Variants in HMGB1 observed in about 807,000 individuals in gnomAD.
HMGB1 encodes high mobility group box 1, also known as high mobility group protein B1.
For missense variants in HMGB1, 79 were observed against 253.5 expected (o/e 0.31, Z 4.67); for synonymous variants, 81 against 84.0 (o/e 0.96, Z 0.19).
rs147712142 is a variant in HMGB1 at position 30,605,221 on chromosome 13, A to G, written c.-15+11450T>C. Reference sequence around the variant, plus strand: ...GGAATGCCTATTTGGCACCAAGTGAATGTATCAGGTAGGCAGATGGATAAA... The same window carrying G: ...GGAATGCCTATTTGGCACCAAGTGAGTGTATCAGGTAGGCAGATGGATAAA... On this transcript the variant is annotated intron_variant, in intron 1 of 4. Coordinates refer to the HMGB1 transcript ENST00000405805. Among the ~76,000 whole-genome samples the G allele has an allele frequency of 1.1e-4, 16 of 152,316 alleles. No individual in the cohort carries two copies. In the East Asian group the frequency reaches 3.1e-3, roughly 29 times the overall value.
intron 1 of HMGB1, among the ~76,000 whole-genome samples, chr13:30,546,751 C>T (rs1261171810): frequency 1.3e-5 from 2 of 152,196 alleles, no homozygotes; most frequent in African/African-American, 4.8e-5. Flanking sequence ...TTTCAAAGTG[C>T]TGGGATTACA....
At chr13:30,477,693 C>T (rs1180559189) in intron 1 of HMGB1, among the ~76,000 whole-genome samples, 1 of 152,216 alleles carries the variant, frequency 6.6e-6, no homozygotes, top group East Asian at 1.9e-4. Flanking sequence ...GAAATCCTAG[C>T]AGACCTGACA....
At chr13:30,489,299 C>T (rs1887432043) in intron 1 of HMGB1, among the ~76,000 whole-genome samples, 1 of 152,150 alleles carries the variant, frequency 6.6e-6, no homozygotes, top group Non-Finnish European at 1.5e-5. Flanking sequence ...AATTTGAGAC[C>T]AGCCTGGGCA....
chr13:30,611,501 T>TA (rs1272518778), intron 1 of HMGB1, among the ~76,000 whole-genome samples: 1 of 152,206 alleles, frequency 6.6e-6, no homozygotes, highest in East Asian at 1.9e-4. Flanking sequence ...TCCTCATCTA[T>TA]AGGGACTTGT....
chr13:30,589,769 C>G (rs1264691902), intron 1 of HMGB1, among the ~76,000 whole-genome samples: 6 of 151,960 alleles, frequency 3.9e-5, no homozygotes, highest in Admixed American at 1.3e-4. Flanking sequence ...ACTCAGGAGG[C>G]TGAGGCATTA....
At chr13:30,578,282 T>A (rs1870745125) in intron 1 of HMGB1, among the ~76,000 whole-genome samples, 2 of 151,380 alleles carry the variant, frequency 1.3e-5, no homozygotes, top group African/African-American at 4.9e-5. Context: ...TTATGACACT[T>A]AACCATTATC....
At chr13:30,523,197 C>A (rs1223142353) in intron 1 of HMGB1, among the ~76,000 whole-genome samples, 2 of 152,206 alleles carry the variant, frequency 1.3e-5, no homozygotes, top group African/African-American at 4.8e-5. Context: ...GGATTCATTA[C>A]TTTTTGTGTT....
At chr13:30,547,632 T>A (rs1869222839) in intron 1 of HMGB1, among the ~76,000 whole-genome samples, 1 of 152,238 alleles carries the variant, frequency 6.6e-6, no homozygotes, top group South Asian at 2.1e-4. Flanking sequence ...AGATTTTTTT[T>A]TTTTTTAATA....
At chr13:30,586,864 G>A (rs891140150) in intron 1 of HMGB1, among the ~76,000 whole-genome samples, 2 of 152,010 alleles carry the variant, frequency 1.3e-5, no homozygotes, top group African/African-American at 4.8e-5. Context: ...TAAACCTCGT[G>A]ACTTTCCCTC....
chr13:30,461,323 T>C lies in HMGB1; in HGVS notation c.*34A>G, dbSNP rs1236930670. The C allele has an allele frequency of 7.2e-6, 11 of 1,523,280 alleles. 1 individual carries two copies. The highest frequency in any genetic ancestry group is 6.6e-5 in the South Asian group (5 of 75,808). The allele number at this position is 1,523,280 out of a possible 1,614,324, so 94.4% of individuals were successfully genotyped here. ...GTGTACAGGGGGGTTAAATGCTTTATAGACAAGAAAAAAAAAACTGCGCTA... is the reference window on the plus strand; with the variant it reads ...GTGTACAGGGGGGTTAAATGCTTTACAGACAAGAAAAAAAAAACTGCGCTA... On this transcript the variant is annotated 3_prime_UTR_variant, in exon 5 of 5. Transcript: ENST00000341423.
rs2137389496 is a variant in HMGB1, at chr13:30,460,706, T to C, written c.*651A>G. The C allele has an allele frequency of 6.5e-6, 1 of 152,750 alleles. No individual in the cohort carries two copies. Among genetic ancestry groups the C allele is most frequent in the African/African-American group, 2.4e-5 (1 of 41,578 alleles). The allele number at this position is 152,750 out of a possible 1,614,324, so 9.5% of individuals were successfully genotyped here. A position where few individuals can be genotyped will look rare whatever the true frequency, so the allele number is the denominator to read the frequency against. On this transcript the variant is annotated 3_prime_UTR_variant, in exon 5 of 5. Transcript: ENST00000341423. The stretch of plus-strand genomic sequence containing the variant: ...AAGATTTTGGATGTTCAGTTATGGA[T>C]GAAAACTATCTCAACTTAACTTTAC...
At chr13:30,575,569 C>T (rs1043932289) in intron 1 of HMGB1, among the ~76,000 whole-genome samples, 1 of 152,130 alleles carries the variant, frequency 6.6e-6, no homozygotes, top group South Asian at 2.1e-4. Flanking sequence ...AGGGAGTCTC[C>T]GTGGCTGAAG....
intron 1 of HMGB1, among the ~76,000 whole-genome samples, chr13:30,572,012 A>G (rs1338593415): frequency 6.6e-6 from 1 of 152,218 alleles, no homozygotes; most frequent in Non-Finnish European, 1.5e-5. Context: ...CCTGAATAGC[A>G]GATATTACTT....
At chr13:30,538,645 T>TTC (rs1178202565) in intron 1 of HMGB1, among the ~76,000 whole-genome samples, 10 of 71,916 alleles carry the variant, frequency 1.4e-4, no homozygotes, top group African/African-American at 8.3e-4. Context: ...CTTTCTTCCT[T>TTC]TCTTTCTTTC....
At position 30,465,854 on chromosome 13, in the gene HMGB1, T is replaced by C. The variant is rs1459084076; in HGVS notation, c.-73A>G. ...CCGGCTCTCACTTGCCCCGGTGCTG[T>C]CTCTATGGAGCTCAATGTACTGCAA... On this transcript the variant is annotated 5_prime_UTR_variant, in exon 1 of 5. Transcript: ENST00000341423. The C allele has an allele frequency of 9.1e-6, 9 of 985,578 alleles. No homozygotes were observed. The East Asian group carries it at 1.0e-3, about 112-fold the overall frequency. 61.1% of individuals were successfully genotyped at this position (985,578 alleles called of 1,614,324 possible). A position where few individuals can be genotyped will look rare whatever the true frequency, so the allele number is the denominator to read the frequency against.
chr13:30,569,078 G>C lies in HMGB1; in HGVS notation c.-15+47593C>G, dbSNP rs189119957. Among the ~76,000 whole-genome samples, 11 of 152,134 alleles carry C rather than the reference G, an allele frequency of 7.2e-5. No individual in the cohort carries two copies. The East Asian group carries it at 2.1e-3, about 29-fold the overall frequency. On this transcript the variant is annotated intron_variant, in intron 1 of 4. Coordinates refer to the HMGB1 transcript ENST00000405805. ...TAATCCCAGTTACTCAGGAGGCTGA[G>C]GCAGAAGAATCGCTTGAACCCAGGA... is the stretch of plus-strand genomic sequence containing the variant.
intron 1 of HMGB1, among the ~76,000 whole-genome samples, chr13:30,485,100 C>T (rs968105484): frequency 2.0e-5 from 3 of 147,130 alleles, no homozygotes; most frequent in Admixed American, 6.9e-5. Context: ...AGTGCAATCT[C>T]GGCTTACTGC....
intron 1 of HMGB1, among the ~76,000 whole-genome samples, chr13:30,589,007 C>CTTTTTTTTTTTTTTTTTTTTT (rs1292576513): frequency 1.4e-5 from 2 of 141,718 alleles, no homozygotes; most frequent in Admixed American, 7.1e-5. Flanking sequence ...TAGTTTACCA[C>CTTTTTTTTTTTTTTTTTTTTT]TTTTTTTTTT....
chr13:30,519,436 C>T (rs1285721691), intron 1 of HMGB1, among the ~76,000 whole-genome samples: 4 of 151,218 alleles, frequency 2.6e-5, no homozygotes, highest in Non-Finnish European at 5.9e-5. Flanking sequence ...TGGTTCACGC[C>T]TGTAATCCCA....
Sources: gnomAD v4.1 joint callset for allele counts (sites outside exome capture counted in the v4.1 genomes callset) on GRCh38, gnomAD v4.1.1 for gene constraint, MANE v1.5 for transcripts, NCBI Gene and HGNC (gene_info 2026-07-23, HGNC 2026-07-21) for gene names.